ASCC2: variants seen among roughly 807,000 people sequenced by gnomAD.
The protein encoded by ASCC2 is ASC-1 complex subunit P100.
ASCC2 carries 42 observed loss-of-function variants against 93.5 expected under a neutral mutation model. The ratio of observed to expected loss-of-function variants is 0.45; its 90% confidence interval spans 0.35 to 0.58. ASCC2 has a LOEUF of 0.58. Ranked by LOEUF, ASCC2 falls within the 20% of genes least tolerant of loss-of-function variation. ASCC2 has a pLI of 0.00. For synonymous variants in ASCC2, 364 were observed against 384.2 expected, an observed-to-expected ratio of 0.95 and a Z score of 0.62; for missense variants, 859 against 977.6, an observed-to-expected ratio of 0.88 and a Z score of 1.62.
chr22:29,803,274 C>A (rs190006316), intron 13 of ASCC2, among the ~76,000 whole-genome samples: 2 of 149,898 alleles, frequency 1.3e-5, no homozygotes, highest in African/African-American at 2.4e-5. Flanking sequence ...AAAAAACAAA[C>A]AAACAAAAAC....
At chr22:29,809,352 T>C (rs2060038244) in intron 8 of ASCC2, among the ~76,000 whole-genome samples, 1 of 152,166 alleles carries the variant, frequency 6.6e-6, no homozygotes, top group Non-Finnish European at 1.5e-5. Flanking sequence ...AACTTTTTAG[T>C]TAACTAATTA....
intron 5 of ASCC2, among the ~76,000 whole-genome samples, chr22:29,819,237 T>C (rs1038801595): frequency 6.6e-6 from 1 of 152,316 alleles, no homozygotes; most frequent in East Asian, 1.9e-4. Flanking sequence ...CTCGGCTCGC[T>C]GCAACCTCCG....
At chr22:29,801,664 C>T (rs777351377) in intron 14 of ASCC2, among the ~76,000 whole-genome samples, 21 of 152,066 alleles carry the variant, frequency 1.4e-4, no homozygotes, top group Admixed American at 2.6e-4. Context: ...CTGGGAAGGT[C>T]GTAATGACAG....
At chr22:29,818,403 T>TACACACACACACACAC (rs35685093) in intron 5 of ASCC2, among the ~76,000 whole-genome samples, 2 of 108,128 alleles carry the variant, frequency 1.8e-5, no homozygotes, top group African/African-American at 3.7e-5. Flanking sequence ...ACTCCCTGCC[T>TACACACACACACACAC]ACACACACAC....
rs139788302 is a variant in ASCC2 at position 29,794,594 on chromosome 22, A to G, written c.1689-918T>C. On this transcript the variant is annotated intron_variant, in intron 15 of 19. Coordinates refer to ENST00000307790, the MANE Select transcript of ASCC2 (RefSeq NM_032204.5). ...AAAGAAACACCAGCTCTGTGTACAG[A>G]GGTCTGATTAGGGATTTTCTTTTCA... Among the ~76,000 whole-genome samples, 413 of 152,328 alleles carry G rather than the reference A, an allele frequency of 2.7e-3. 2 individuals are homozygous for G. Among genetic ancestry groups the G allele is most frequent in the African/African-American group, 9.6e-3 (398 of 41,590 alleles).
intron 1 of ASCC2, among the ~76,000 whole-genome samples, chr22:29,837,587 G>T (rs982650325): frequency 6.6e-6 from 1 of 152,202 alleles, no homozygotes; most frequent in African/African-American, 2.4e-5. Context: ...CTCCCTACAA[G>T]CACCCAATTG....
intron 7 of ASCC2, 75 bp from the exon 8 acceptor site, chr22:29,813,617 T>C (rs1446541578): frequency 7.0e-6 from 7 of 998,674 alleles, no homozygotes; most frequent in East Asian, 2.5e-5. Context: ...TGAGACAACA[T>C]TAAAACAGTC....
intron 13 of ASCC2, among the ~76,000 whole-genome samples, chr22:29,804,288 C>A (rs1264208997): frequency 1.3e-5 from 2 of 152,210 alleles, no homozygotes; most frequent in African/African-American, 4.8e-5. Context: ...TGGCACTGTT[C>A]CCAGTTGCAA....
rs7289250 is a variant in ASCC2 at position 29,838,229 on chromosome 22, A to T, written c.-69T>A. On this transcript the variant is annotated 5_prime_UTR_variant, in exon 1 of 20. Transcript: ENST00000307790. The stretch of plus-strand genomic sequence containing the variant: ...GCCGCCGCCGCCGCCGCCGCCGCCG[A>T]CCACGGTGACAGCTCCCTGAGCGCC... 48,182 of 414,294 alleles carry T rather than the reference A, an allele frequency of 0.12. 7,222 individuals are homozygous for T. Among genetic ancestry groups the T allele is most frequent in the African/African-American group, 0.29 (14,054 of 48,176 alleles). 25.7% of individuals were successfully genotyped at this position (414,294 alleles called of 1,614,324 possible). A position where few individuals can be genotyped will look rare whatever the true frequency, so the allele number is the denominator to read the frequency against.
chr22:29,814,785 G>A lies in ASCC2; in HGVS notation c.610-18C>T, dbSNP rs548763159. The A allele has an allele frequency of 2.9e-5, 47 of 1,599,536 alleles. No individual in the cohort carries two copies. Among genetic ancestry groups the A allele is most frequent in the East Asian group, 2.7e-4 (12 of 44,334 alleles). ...CTGAAGACCTGTGAAAGACAAGAAC[G>A]GGCTCTCTCACATCATACTGAACCA... On this transcript the variant is annotated intron_variant, in intron 6 of 19. Coordinates refer to ENST00000307790, the MANE Select transcript of ASCC2 (RefSeq NM_032204.5).
At chr22:29,796,504 G>C (rs1193814865) in intron 15 of ASCC2, among the ~76,000 whole-genome samples, 2 of 152,188 alleles carry the variant, frequency 1.3e-5, no homozygotes, top group Non-Finnish European at 2.9e-5. Context: ...TCTGTAGGAA[G>C]GGGTAATGGA....
At chr22:29,829,975 G>C (rs2062922040) in intron 2 of ASCC2, among the ~76,000 whole-genome samples, 1 of 152,116 alleles carries the variant, frequency 6.6e-6, no homozygotes, top group Admixed American at 6.5e-5. Context: ...ACAAATATAG[G>C]GTGGACACAT....
At chr22:29,836,406 T>TCAATGCTA (rs1165042524) in intron 1 of ASCC2, 1 of 126,744 alleles carries the variant, frequency 7.9e-6, no homozygotes, top group East Asian at 2.3e-4. Flanking sequence ...AAAAAAAGCC[T>TCAATGCTA]CAATGCTACA....
chr22:29,812,250 TG>T (rs1439837695), intron 8 of ASCC2, among the ~76,000 whole-genome samples: 1 of 152,212 alleles, frequency 6.6e-6, no homozygotes, highest in African/African-American at 2.4e-5. Context: ...CTACAAATGG[TG>T]GGGAGAAACG....
intron 19 of ASCC2, 137 bp downstream of exon 19, chr22:29,790,332 C>T: frequency 1.2e-6 from 1 of 802,954 alleles, no homozygotes; most frequent in South Asian, 1.7e-5. Context: ...ATAATGGTAG[C>T]TACTTCACTG....
intron 1 of ASCC2, among the ~76,000 whole-genome samples, chr22:29,833,771 A>G (rs2063434873): frequency 6.6e-6 from 1 of 152,080 alleles, no homozygotes; most frequent in Admixed American, 6.6e-5. Flanking sequence ...TTGAGCCTTC[A>G]CAGACAAGCA....
At chr22:29,795,763 G>A (rs941947080) in intron 15 of ASCC2, among the ~76,000 whole-genome samples, 2 of 152,146 alleles carry the variant, frequency 1.3e-5, no homozygotes, top group Non-Finnish European at 2.9e-5. Context: ...CTCAACTCAC[G>A]GCTTTGCAAA....
At position 29,794,741 on chromosome 22, in the gene ASCC2, T is replaced by C. The variant is rs1450738610; in HGVS notation, c.1689-1065A>G. Among the ~76,000 whole-genome samples, 3 of 152,198 alleles carry C rather than the reference T, an allele frequency of 2.0e-5. No individual in the cohort carries two copies. In the East Asian group the frequency reaches 5.8e-4, roughly 29 times the overall value. ...TGGTAGTTGTCAAGAAAGACATTGA[T>C]CTATTTGTGCTGATGCGGAAAGAAT... On this transcript the variant is annotated intron_variant, in intron 15 of 19. Coordinates refer to ENST00000307790, the MANE Select transcript of ASCC2 (RefSeq NM_032204.5).
intron 15 of ASCC2, among the ~76,000 whole-genome samples, chr22:29,798,032 G>T (rs1043427725): frequency 6.6e-6 from 1 of 152,274 alleles, no homozygotes; most frequent in East Asian, 1.9e-4. Context: ...CTCCCAAAGT[G>T]CAGGGATTAC....
Sources: gnomAD v4.1 joint callset for allele counts (sites outside exome capture counted in the v4.1 genomes callset) on GRCh38, gnomAD v4.1.1 for gene constraint, MANE v1.5 for transcripts, NCBI Gene and HGNC (gene_info 2026-07-23, HGNC 2026-07-21) for gene names.